MED14: variants seen among roughly 807,000 people sequenced by gnomAD.
The protein encoded by MED14 is mediator of RNA polymerase II transcription subunit 14.
Under a neutral mutation model 109.0 loss-of-function variants are expected in MED14, and 8 were observed. That is an observed-to-expected ratio of 0.07 (90% CI 0.04 to 0.13). The LOEUF (loss-of-function observed/expected upper bound fraction) is 0.13. MED14 is among the 10% of genes least tolerant of loss of function. The pLI is 1.00. For missense variants in MED14, 711 were observed against 1,142.4 expected (o/e 0.62, Z 5.44); for synonymous variants, 399 against 408.7 (o/e 0.98, Z 0.29).
chrX:40,715,534 C>T (rs1931481476), intron 3 of MED14, among the ~76,000 whole-genome samples: 2 of 110,474 alleles, frequency 1.8e-5, no homozygotes, highest in African/African-American at 6.6e-5. Context: ...GGTCTGTAAT[C>T]CCAGCACTTT....
chrX:40,713,682 A>G, intron 5 of MED14, 96 bp downstream of exon 5: 1 of 957,185 alleles, frequency 1.0e-6, no homozygotes. Flanking sequence ...ACCTCAAGTG[A>G]TCTGCCTGCC....
chrX:40,704,761 A>G (rs1931075397), intron 10 of MED14, among the ~76,000 whole-genome samples: 2 of 112,192 alleles, frequency 1.8e-5, no homozygotes, highest in South Asian at 7.3e-4. Flanking sequence ...ATATTTAATT[A>G]GAGAGAAATA....
chrX:40,724,838 G>C (rs1368906229), intron 3 of MED14, among the ~76,000 whole-genome samples: 1 of 111,138 alleles, frequency 9.0e-6, no homozygotes, highest in East Asian at 2.8e-4. Context: ...AATTTGAAAT[G>C]AAGAAAACAA....
chrX:40,726,695 T>C (rs760773225), intron 3 of MED14, 51 bp downstream of exon 3: 3 of 1,020,646 alleles, frequency 2.9e-6, no homozygotes, highest in African/African-American at 3.8e-5. Flanking sequence ...ATGTCTATCA[T>C]AACATTCGAA....
chrX:40,670,764 T>A (rs1232088797), intron 23 of MED14, among the ~76,000 whole-genome samples: 2 of 59,857 alleles, frequency 3.3e-5, no homozygotes, highest in Non-Finnish European at 8.2e-5. Context: ...CGAGACTCTG[T>A]CTCAAAAAAA....
intron 3 of MED14, chrX:40,726,405 T>A: frequency 8.0e-6 from 1 of 124,236 alleles, no homozygotes. Context: ...TCTGCCATTC[T>A]CACAGGATGT....
chrX:40,695,962 G>A (rs1478991091), intron 13 of MED14, among the ~76,000 whole-genome samples: 1 of 110,801 alleles, frequency 9.0e-6, no homozygotes, highest in African/African-American at 3.3e-5. Context: ...TATAAGCGAC[G>A]AGGTCTCACT....
rs1464498931 is a variant in MED14 at position 40,681,959 on chromosome X, C to A, written c.2366-16G>T. ...GCAGGTATGTCTAAACAGAAGGAAACAAAAAGGAGATTAATATTATACATG... is the reference window on the plus strand; with the variant it reads ...GCAGGTATGTCTAAACAGAAGGAAAAAAAAAGGAGATTAATATTATACATG... On this transcript the variant is annotated splice_polypyrimidine_tract_variant and intron_variant, in intron 18 of 30. Transcript: ENST00000324817. The A allele has an allele frequency of 1.2e-6, 1 of 850,557 alleles. No homozygotes were observed. The allele number at this position is 850,557 out of a possible 1,213,427, so 70.1% of individuals were successfully genotyped here. A position where few individuals can be genotyped will look rare whatever the true frequency, so the allele number is the denominator to read the frequency against.
chrX:40,673,802 C>T (rs1011140923), intron 22 of MED14, among the ~76,000 whole-genome samples: 14 of 105,035 alleles, frequency 1.3e-4, no homozygotes, highest in Non-Finnish European at 5.8e-5. Context: ...GCTGAGATCA[C>T]GCCATTGCAC....
In MED14 at chrX:40,680,053, G is replaced by T; in HGVS notation, c.2691C>A (p.Thr897=). The T allele has an allele frequency of 8.3e-7, 1 of 1,210,401 alleles. No individual in the cohort carries two copies. The highest frequency in any genetic ancestry group is 1.1e-6 in the Non-Finnish European group (1 of 894,269). ...TGGAGAAGCACTGGTAGGCAGTATT[G>T]GTTCTCTGGGTCAAGCCCAACATCG... The part of the protein sequence containing the change: ...TVPMLGLTQR[T]NTAYQCFSIL... The change falls in exon 21 of 31, where the codon ACC becomes ACA. Residue 897 remains threonine, a synonymous_variant. Coordinates refer to ENST00000324817, the MANE Select transcript of MED14 (RefSeq NM_004229.4).
intron 10 of MED14, 63 bp from the exon 11 acceptor site, chrX:40,703,632 C>T: frequency 1.1e-6 from 1 of 918,423 alleles, no homozygotes; most frequent in Non-Finnish European, 1.5e-6. Context: ...AATTATTTCT[C>T]AATCAATGAG....
intron 14 of MED14, 70 bp downstream of exon 14, chrX:40,692,637 TA>T: frequency 9.7e-7 from 1 of 1,026,532 alleles, no homozygotes; most frequent in Non-Finnish European, 1.3e-6. Context: ...TTTCTCATAT[TA>T]AAAATGAGTA....
chrX:40,672,277 T>TAGAG (rs1253627811), intron 22 of MED14, among the ~76,000 whole-genome samples: 5 of 112,565 alleles, frequency 4.4e-5, no homozygotes, highest in Admixed American at 9.4e-5. Flanking sequence ...CTCTATTATT[T>TAGAG]ATCTACCATT....
At chrX:40,692,108 A>G in intron 15 of MED14, 75 bp downstream of exon 15, 1 of 979,687 alleles carries the variant, frequency 1.0e-6, no homozygotes, top group Non-Finnish European at 1.4e-6. Flanking sequence ...AATGGAATCT[A>G]TATATACCCT....
chrX:40,707,100 CATAGATGGATAG>C (rs1931174665), intron 10 of MED14, among the ~76,000 whole-genome samples: 2 of 97,973 alleles, frequency 2.0e-5, no homozygotes, highest in South Asian at 9.3e-4. Context: ...AAAATAGATA[CATAGATGGATAG>C]ATAGATAGAT....
At chrX:40,666,421 G>A (rs1679833512) in intron 24 of MED14, among the ~76,000 whole-genome samples, 1 of 109,697 alleles carries the variant, frequency 9.1e-6, no homozygotes, top group Non-Finnish European at 1.9e-5. Flanking sequence ...CAAGCAGCTT[G>A]GTAGACAGCA....
At chrX:40,696,040 T>C (rs1346399014) in intron 13 of MED14, among the ~76,000 whole-genome samples, 1 of 111,209 alleles carries the variant, frequency 9.0e-6, no homozygotes, top group Non-Finnish European at 1.9e-5. Flanking sequence ...CCCAAAGTGT[T>C]AGTTTTACAG....
In MED14 at chrX:40,664,378, C is replaced by A. The variant is rs1445182098; in HGVS notation, c.3377G>T (p.Gly1126Val). ...TAGTGAGGGGTTGGCTGGTGACATT[C>A]CAGGCATGCGTGCTGCTGGTGAGGG... ...SGPSPAARMP[G>V]MSPANPSLHS... Residue 1126 changes from glycine (G) to valine (V), a missense_variant, in exon 25 of 31, where the codon GGA becomes GTA. Transcript: ENST00000324817. 1 of 1,206,573 alleles carries A rather than the reference C, an allele frequency of 8.3e-7. No homozygotes were observed. The highest frequency in any genetic ancestry group is 1.1e-6 in the Non-Finnish European group (1 of 893,399).
chrX:40,678,225 T>C (rs1345285835), intron 21 of MED14, among the ~76,000 whole-genome samples: 1 of 111,649 alleles, frequency 9.0e-6, no homozygotes, highest in Admixed American at 9.5e-5. Context: ...CTGCTATCAG[T>C]CCAAATTGGA....
Sources: gnomAD v4.1 joint callset for allele counts (sites outside exome capture counted in the v4.1 genomes callset) on GRCh38, gnomAD v4.1.1 for gene constraint, MANE v1.5 for transcripts, NCBI Gene and HGNC (gene_info 2026-07-23, HGNC 2026-07-21) for gene names.